Variants in IST1 observed in about 807,000 individuals in gnomAD.
IST1 encodes IST1 factor associated with ESCRT-III, also known as IST1 homolog.
A neutral mutation model predicts 37.0 loss-of-function variants in IST1; 23 were observed. The ratio of observed to expected loss-of-function variants is 0.62; its 90% confidence interval spans 0.45 to 0.88. The LOEUF is 0.88. IST1 is among the 40% of genes least tolerant of loss of function. The pLI is 0.00. For missense variants in IST1, 488 were observed against 445.4 expected (o/e 1.10, Z -0.86); for synonymous variants, 180 against 161.7 (o/e 1.11, Z -0.86).
intron 9 of IST1, among the ~76,000 whole-genome samples, chr16:71,927,147 A>C (rs1461778772): frequency 6.6e-6 from 1 of 152,170 alleles, no homozygotes; most frequent in Non-Finnish European, 1.5e-5. Context: ...ACAGGATTCA[A>C]CCCTAATTAG....
intron 1 of IST1, among the ~76,000 whole-genome samples, chr16:71,897,422 A>G (rs2036998840): frequency 1.3e-5 from 2 of 152,070 alleles, no homozygotes; most frequent in Admixed American, 6.6e-5. Flanking sequence ...TGGCTTCTAA[A>G]TTATCAGGAG....
chr16:71,924,840 C>G (rs756786829), intron 9 of IST1, 23 bp downstream of exon 9: 2 of 1,536,678 alleles, frequency 1.3e-6, no homozygotes, highest in South Asian at 1.1e-5. Context: ...AATCAGAAAC[C>G]TGCAGAGCTC....
Position 71,929,756 on chromosome 16 carries a change from A to G in IST1, c.*1943A>G. ...TAGTGGAGTAAAAAAAGTACCAAAGATTTTTAAAAAATTAGTAAATGTAAA... is the reference window on the plus strand; with the variant it reads ...TAGTGGAGTAAAAAAAGTACCAAAGGTTTTTAAAAAATTAGTAAATGTAAA... On this transcript the variant is annotated 3_prime_UTR_variant, in exon 10 of 10. Transcript: ENST00000378799. 2 of 1,322,270 alleles carry G rather than the reference A, an allele frequency of 1.5e-6. No homozygotes were observed. The highest frequency in any genetic ancestry group is 2.0e-6 in the Non-Finnish European group (2 of 977,150). The allele number at this position is 1,322,270 out of a possible 1,614,324, so 81.9% of individuals were successfully genotyped here. A position where few individuals can be genotyped will look rare whatever the true frequency, so the allele number is the denominator to read the frequency against.
In IST1 at chr16:71,911,940, T is replaced by C. The variant is rs577130022; in HGVS notation, c.-15-3686T>C. Among the ~76,000 whole-genome samples the C allele has an allele frequency of 2.2e-4, 33 of 152,056 alleles. No homozygotes were observed. The South Asian group carries it at 2.9e-3, about 13-fold the overall frequency. On this transcript the variant is annotated intron_variant, in intron 1 of 9. Transcript: ENST00000378799. ...ACCATGTTGCCCGGGCTGGTCTCAC[T>C]CCTGAGCTCAAGTCTCTGCCTCCCA... is the stretch of plus-strand genomic sequence containing the variant.
chr16:71,916,230 G>A (rs1292157949), intron 2 of IST1, among the ~76,000 whole-genome samples: 1 of 152,144 alleles, frequency 6.6e-6, no homozygotes, highest in Non-Finnish European at 1.5e-5. Context: ...CTGTTGTTGT[G>A]GCATTAGGTC....
chr16:71,907,944 T>A (rs1485898350), intron 1 of IST1, among the ~76,000 whole-genome samples: 1 of 152,018 alleles, frequency 6.6e-6, no homozygotes, highest in East Asian at 1.9e-4. Flanking sequence ...GTCTCCTCTT[T>A]ATGTCTTTAC....
Position 71,927,861 on chromosome 16 carries a change from A to G in IST1, c.*48A>G, listed in dbSNP as rs1460978576. 4 of 1,276,076 alleles carry G rather than the reference A, an allele frequency of 3.1e-6. No homozygotes were observed. The highest frequency in any genetic ancestry group is 4.5e-6 in the Non-Finnish European group (4 of 881,084). 79.0% of individuals were successfully genotyped at this position (1,276,076 alleles called of 1,614,324 possible). A position where few individuals can be genotyped will look rare whatever the true frequency, so the allele number is the denominator to read the frequency against. Reference sequence around the variant, plus strand: ...CACGTTTTGGGAGTTGAGACTGAGCAATTTCTCCTTGTAACAAAGAATCTC... The same window carrying G: ...CACGTTTTGGGAGTTGAGACTGAGCGATTTCTCCTTGTAACAAAGAATCTC... On this transcript the variant is annotated 3_prime_UTR_variant, in exon 10 of 10. Transcript: ENST00000378799.
intron 1 of IST1, among the ~76,000 whole-genome samples, chr16:71,912,770 C>G (rs1258418438): frequency 2.0e-5 from 3 of 152,190 alleles, no homozygotes; most frequent in Admixed American, 2.0e-4. Flanking sequence ...TTTCCCCCTA[C>G]TCCCGGACCC....
intron 4 of IST1, among the ~76,000 whole-genome samples, chr16:71,917,711 G>C (rs1423819563): frequency 1.3e-5 from 2 of 151,832 alleles, no homozygotes; most frequent in Non-Finnish European, 2.9e-5. Flanking sequence ...TATTTCCTAG[G>C]AGACTGTGTC....
chr16:71,895,594 G>A lies in IST1; in HGVS notation c.-16+5G>A, dbSNP rs1004732033. On this transcript the variant is annotated splice_donor_5th_base_variant and intron_variant, in intron 1 of 9. Transcript: ENST00000378799. ...TTCACGGCAGGATTCGGTTAGGTGA[G>A]TGTGGCATCCTCGGCGTCAGAGGTC... 4.1e-6 allele frequency: 4 copies of A among 980,764 alleles called. No individual in the cohort carries two copies. Among genetic ancestry groups the A allele is most frequent in the Non-Finnish European group, 4.8e-6 (4 of 825,672 alleles). 60.8% of individuals were successfully genotyped at this position (980,764 alleles called of 1,614,324 possible).
rs1229041596 is a variant in IST1 at position 71,930,521 on chromosome 16, C to T, written c.*2708C>T. ...TAAAAGTGGGAGGGGGGTAAGCAAA[C>T]ACTGAAAGATTAAATGCATACCAGA... On this transcript the variant is annotated 3_prime_UTR_variant, in exon 10 of 10. Transcript: ENST00000378799. 1 of 179,558 alleles carries T rather than the reference C, an allele frequency of 5.6e-6. No homozygotes were observed. The highest frequency in any genetic ancestry group is 2.4e-5 in the African/African-American group (1 of 42,546). The allele number at this position is 179,558 out of a possible 1,614,324, so 11.1% of individuals were successfully genotyped here.
intron 9 of IST1, among the ~76,000 whole-genome samples, chr16:71,925,871 T>C (rs1166751977): frequency 6.6e-6 from 1 of 152,026 alleles, no homozygotes; most frequent in Non-Finnish European, 1.5e-5. Flanking sequence ...AGCCCAGGAG[T>C]TCAAGATTAC....
chr16:71,919,409 G>T (rs1051062841), intron 4 of IST1, among the ~76,000 whole-genome samples: 1 of 152,070 alleles, frequency 6.6e-6, no homozygotes, highest in Non-Finnish European at 1.5e-5. Flanking sequence ...TATTTGAGAC[G>T]GTCTTGATCT....
At chr16:71,916,857 C>T (rs1304928598) in intron 3 of IST1, among the ~76,000 whole-genome samples, 190 bp from the exon 4 acceptor site, 2 of 152,122 alleles carry the variant, frequency 1.3e-5, no homozygotes, top group African/African-American at 4.8e-5. Flanking sequence ...TGGCCTTGAG[C>T]TTGTTGCCTA....
Position 71,895,531 on chromosome 16 carries a change from A to C in IST1, c.-74A>C. The C allele has an allele frequency of 1.0e-6, 1 of 985,636 alleles. No individual in the cohort carries two copies. The highest frequency in any genetic ancestry group is 1.7e-5 in the African/African-American group (1 of 57,340). 61.1% of individuals were successfully genotyped at this position (985,636 alleles called of 1,614,324 possible). On this transcript the variant is annotated 5_prime_UTR_variant, in exon 1 of 10. Transcript: ENST00000378799. ...TTGTGCTGAGGCCGAGGGAGTCGCC[A>C]TTTTGGATGGTGAACCCTGAAGTCG... is the stretch of plus-strand genomic sequence containing the variant.
intron 1 of IST1, among the ~76,000 whole-genome samples, chr16:71,911,533 AAAAC>A (rs960651522): frequency 6.6e-6 from 1 of 152,086 alleles, no homozygotes; most frequent in Non-Finnish European, 1.5e-5. Context: ...GATTGTCTCA[AAAAC>A]AAACAAAACA....
chr16:71,920,799 C>T lies in IST1; in HGVS notation c.418C>T (p.Gln140Ter). Residue 140 changes from glutamine to a stop codon, truncating the protein, a stop_gained, in exon 5 of 10, where the codon CAG (glutamine) becomes TAG (stop). Transcript: ENST00000378799. LOFTEE classifies it high-confidence loss of function. ...KEYGKLCRTN[Q>*]IGTVNDRLMH... ...ATATGGCAAGCTATGTAGGACCAAC[C>T]AGATTGGAACTGTGAATGACAGGGT... 6.2e-7 allele frequency: 1 copy of T among 1,612,926 alleles called. No homozygotes were observed. The highest frequency in any genetic ancestry group is 8.5e-7 in the Non-Finnish European group (1 of 1,178,882).
Position 71,905,140 on chromosome 16 carries a change from A to G in IST1, c.-16+9551A>G, listed in dbSNP as rs988805942. On this transcript the variant is annotated intron_variant, in intron 1 of 9. Transcript: ENST00000378799. ...AGCCTCTGCCTCCCGTGTTCAAGCA[A>G]TTCTCCCGCCTCAGCCTCCCAAGTA... is the stretch of plus-strand genomic sequence containing the variant. Among the ~76,000 whole-genome samples, 8 of 151,784 alleles carry G rather than the reference A, an allele frequency of 5.3e-5. No individual in the cohort carries two copies. The East Asian group carries it at 9.8e-4, about 19-fold the overall frequency.
intron 1 of IST1, among the ~76,000 whole-genome samples, chr16:71,899,492 G>T (rs1479710751): frequency 6.6e-6 from 1 of 152,200 alleles, no homozygotes; most frequent in East Asian, 1.9e-4. Context: ...CATTGTGTCT[G>T]TTTCTACTCT....
Sources: allele counts gnomAD v4.1 joint callset (sites outside exome capture counted in the v4.1 genomes callset), GRCh38; gene constraint gnomAD v4.1.1; transcripts MANE v1.5; gene names NCBI Gene and HGNC (gene_info 2026-07-23, HGNC 2026-07-21).